Variants in MAP2 observed in about 807,000 individuals in gnomAD.
MAP2 encodes microtubule associated protein 2.
In MAP2, 14 loss-of-function variants were observed where a neutral mutation model predicts 137.6. That is an observed-to-expected ratio of 0.10 (90% CI 0.07 to 0.16). MAP2 has a LOEUF of 0.16. Among genes scored for constraint, MAP2 ranks in the 10% least tolerant of loss-of-function variants. The probability of loss-of-function intolerance (pLI) is 1.00; values close to 1 mark genes in which losing one functional copy is unlikely to be tolerated. For missense variants in MAP2, 2,088 were observed against 2,191.5 expected (o/e 0.95, Z 0.94); for synonymous variants, 786 against 782.3 (o/e 1.00, Z -0.08).
At chr2:209,504,724 C>T (rs926519830) in intron 1 of MAP2, among the ~76,000 whole-genome samples, 4 of 152,058 alleles carry the variant, frequency 2.6e-5, no homozygotes, top group African/African-American at 9.7e-5. Flanking sequence ...GCATTAAGTA[C>T]ATTCGCGTTG....
chr2:209,708,301 T>C (rs894726241), intron 12 of MAP2, among the ~76,000 whole-genome samples: 2 of 152,152 alleles, frequency 1.3e-5, no homozygotes, highest in East Asian at 1.9e-4. Flanking sequence ...ACAGAACACA[T>C]GCTAATTTCT....
intron 2 of MAP2, among the ~76,000 whole-genome samples, chr2:209,542,666 A>G (rs1430703029): frequency 1.3e-5 from 2 of 152,192 alleles, no homozygotes; most frequent in African/African-American, 4.8e-5. Context: ...CTGCTGCTTC[A>G]CCTTTAACTT....
intron 7 of MAP2, among the ~76,000 whole-genome samples, chr2:209,685,427 AAAATC>A (rs1447736201): frequency 6.6e-6 from 1 of 152,176 alleles, no homozygotes; most frequent in Non-Finnish European, 1.5e-5. Context: ...CATTATCATT[AAAATC>A]AAGTGCCCTG....
In MAP2 at chr2:209,590,524, G is replaced by A. The variant is rs767424027; in HGVS notation, c.-107+10424G>A. 4.6e-5 allele frequency among the ~76,000 whole-genome samples: 7 copies of A among 151,928 alleles called. 1 individual carries two copies. Among genetic ancestry groups the A allele is most frequent in the South Asian group, 4.2e-4 (2 of 4,818 alleles). ...CTAATTTTGTATTTTTAGTAGAGAC[G>A]GTGTTTCTCCACATTGGTCAGGCTG... On this transcript the variant is annotated intron_variant, in intron 3 of 15. Transcript: ENST00000682079.
intron 1 of MAP2, among the ~76,000 whole-genome samples, chr2:209,470,635 G>T (rs557962917): frequency 6.6e-6 from 1 of 151,990 alleles, no homozygotes; most frequent in East Asian, 1.9e-4. Context: ...AACCTCACCC[G>T]CATTAACAGC....
At chr2:209,658,825 A>G (rs1418246866) in intron 5 of MAP2, among the ~76,000 whole-genome samples, 1 of 152,054 alleles carries the variant, frequency 6.6e-6, no homozygotes, top group Admixed American at 6.5e-5. Flanking sequence ...AAAATTTTCT[A>G]ATTTCTATTC....
At chr2:209,652,702 C>G (rs2094890488) in intron 4 of MAP2, among the ~76,000 whole-genome samples, 1 of 152,126 alleles carries the variant, frequency 6.6e-6, no homozygotes, top group Admixed American at 6.5e-5. Context: ...ATTCTTCCTC[C>G]CACTTTTTCT....
chr2:209,494,670 A>G (rs2059541805), intron 1 of MAP2, among the ~76,000 whole-genome samples: 2 of 152,338 alleles, frequency 1.3e-5, no homozygotes, highest in African/African-American at 4.8e-5. Flanking sequence ...CAGGGCTGCT[A>G]TGCCTATGGA....
At chr2:209,484,662 C>T (rs539462234) in intron 1 of MAP2, among the ~76,000 whole-genome samples, 4 of 152,280 alleles carry the variant, frequency 2.6e-5, no homozygotes, top group Non-Finnish European at 4.4e-5. Flanking sequence ...TGCAGTCTAA[C>T]GTGGGCAACA....
At chr2:209,461,977 T>C (rs186628014) in intron 1 of MAP2, among the ~76,000 whole-genome samples, 8 of 152,270 alleles carry the variant, frequency 5.3e-5, no homozygotes, top group Admixed American at 5.2e-4. Flanking sequence ...GCCTTTACTC[T>C]CTGGTTTAGA....
At chr2:209,505,942 C>A (rs112606452) in intron 1 of MAP2, among the ~76,000 whole-genome samples, 8,789 of 151,568 alleles carry the variant, frequency 0.058, 291 homozygotes, top group South Asian at 0.093. Context: ...CCTGCACTCC[C>A]GACTAGGTGA....
chr2:209,526,527 C>T (rs992811486), intron 2 of MAP2, among the ~76,000 whole-genome samples: 8 of 148,402 alleles, frequency 5.4e-5, no homozygotes, highest in African/African-American at 1.8e-4. Flanking sequence ...TTAAAGAGCA[C>T]TCTAGATTTA....
At chr2:209,723,590 T>C in intron 13 of MAP2, 2 of 1,584,752 alleles carry the variant, frequency 1.3e-6, no homozygotes, top group Middle Eastern at 1.7e-4. Flanking sequence ...TCCAATTCCT[T>C]TTAGGTTAGG....
intron 1 of MAP2, among the ~76,000 whole-genome samples, chr2:209,460,606 T>TCCTTCTTTC (rs1702537641): frequency 6.6e-6 from 1 of 151,564 alleles, no homozygotes; most frequent in Admixed American, 6.6e-5. Flanking sequence ...CTTCCTTCCT[T>TCCTTCTTTC]CCTTCTTTCC....
intron 1 of MAP2, among the ~76,000 whole-genome samples, chr2:209,507,183 G>A (rs1326563522): frequency 2.6e-5 from 4 of 152,068 alleles, no homozygotes; most frequent in East Asian, 1.9e-4. Context: ...GGGGACACTA[G>A]CATTCAGTCT....
intron 3 of MAP2, among the ~76,000 whole-genome samples, chr2:209,620,999 T>C (rs964463212): frequency 7.2e-5 from 11 of 151,864 alleles, no homozygotes; most frequent in Non-Finnish European, 2.9e-5. Flanking sequence ...GTTCAAGACC[T>C]GCCTGACCAA....
rs1422878929 is a variant in MAP2 at position 209,693,605 on chromosome 2, C to T, written c.1435C>T (p.His479Tyr). ...EIGIIQTSTE[H>Y]TFSEQKDQEP... The stretch of plus-strand genomic sequence containing the variant: ...AGGCATAATTCAGACCTCCACAGAG[C>T]ACACTTTCTCAGAACAGAAAGACCA... Residue 479 changes from histidine (H) to tyrosine (Y), a missense_variant, in exon 8 of 16, where the codon CAC becomes TAC. Transcript: ENST00000682079. The T allele has an allele frequency of 1.2e-6, 2 of 1,613,828 alleles. No individual in the cohort carries two copies. The highest frequency in any genetic ancestry group is 1.7e-6 in the Non-Finnish European group (2 of 1,180,002).
chr2:209,472,127 T>TG (rs1444710927), intron 1 of MAP2, among the ~76,000 whole-genome samples: 1 of 152,202 alleles, frequency 6.6e-6, no homozygotes, highest in Non-Finnish European at 1.5e-5. Context: ...TACAACGTGA[T>TG]GCTATGGGAT....
At chr2:209,663,970 G>A (rs1387974453) in intron 5 of MAP2, among the ~76,000 whole-genome samples, 3 of 152,076 alleles carry the variant, frequency 2.0e-5, no homozygotes, top group Non-Finnish European at 2.9e-5. Flanking sequence ...AAAGGTTCTC[G>A]GAAATCTACC....
Sources: gnomAD v4.1 joint callset for allele counts (sites outside exome capture counted in the v4.1 genomes callset) on GRCh38, gnomAD v4.1.1 for gene constraint, MANE v1.5 for transcripts, NCBI Gene and HGNC (gene_info 2026-07-23, HGNC 2026-07-21) for gene names.